Variants in ELL2 observed in about 807,000 individuals in gnomAD.
ELL2 encodes RNA polymerase II elongation factor ELL2.
In ELL2, 21 loss-of-function variants were observed where a neutral mutation model predicts 72.8. The observed-to-expected ratio is 0.29, with a 90% CI of 0.20 to 0.42. ELL2 has a LOEUF of 0.42. ELL2 is among the 10% of genes least tolerant of loss of function. The pLI is 1.00. For synonymous variants in ELL2, 266 were observed against 283.2 expected, an observed-to-expected ratio of 0.94 and a Z score of 0.61; for missense variants, 568 against 772.8, an observed-to-expected ratio of 0.73 and a Z score of 3.14.
chr5:95,909,209 A>G (rs1484245125), intron 4 of ELL2, among the ~76,000 whole-genome samples: 1 of 152,258 alleles, frequency 6.6e-6, no homozygotes, highest in East Asian at 1.9e-4. Context: ...AAGTGAAGAC[A>G]GAACTAGAGT....
At position 95,903,494 on chromosome 5, in the gene ELL2, G is replaced by A. The variant is rs112800716; in HGVS notation, c.742-2414C>T. On this transcript the variant is annotated intron_variant, in intron 5 of 11. Coordinates refer to ENST00000237853, the MANE Select transcript of ELL2 (RefSeq NM_012081.6). ...TCCCCCCACCTCGGCCTCCTAAAGC[G>A]CTGGGATTACAGGGGTGAGCCACGG... 4.2e-3 allele frequency among the ~76,000 whole-genome samples: 640 copies of A among 152,134 alleles called. 8 individuals are homozygous for A. Among genetic ancestry groups the A allele is most frequent in the African/African-American group, 0.015 (614 of 41,504 alleles).
At chr5:95,897,611 CAATT>C (rs1319245995) in intron 8 of ELL2, among the ~76,000 whole-genome samples, 11 of 152,126 alleles carry the variant, frequency 7.2e-5, no homozygotes, top group Admixed American at 7.2e-4. Context: ...TTACAAATAA[CAATT>C]GATGTTAGTT....
chr5:95,947,313 A>G (rs993661467), intron 1 of ELL2, among the ~76,000 whole-genome samples: 2 of 152,240 alleles, frequency 1.3e-5, no homozygotes, highest in East Asian at 1.9e-4. Flanking sequence ...CAGACAAGAC[A>G]ATATGTACTA....
intron 8 of ELL2, among the ~76,000 whole-genome samples, chr5:95,897,172 T>C (rs1748907593): frequency 6.6e-6 from 1 of 152,206 alleles, no homozygotes; most frequent in South Asian, 2.1e-4. Flanking sequence ...TCTTTGGAAG[T>C]AACACTAAAA....
At chr5:95,934,223 C>T (rs1353261075) in intron 2 of ELL2, among the ~76,000 whole-genome samples, 2 of 152,142 alleles carry the variant, frequency 1.3e-5, no homozygotes, top group Admixed American at 6.5e-5. Context: ...AATAAGATAT[C>T]CATAACATAC....
intron 8 of ELL2, among the ~76,000 whole-genome samples, chr5:95,897,676 T>A (rs1748925727): frequency 6.6e-6 from 1 of 152,172 alleles, no homozygotes; most frequent in African/African-American, 2.4e-5. Flanking sequence ...AACCTTAAGA[T>A]CTATTAAGCG....
At chr5:95,921,066 T>C (rs1750060315) in intron 2 of ELL2, among the ~76,000 whole-genome samples, 1 of 152,084 alleles carries the variant, frequency 6.6e-6, no homozygotes, top group Non-Finnish European at 1.5e-5. Context: ...CTCCCAAACC[T>C]TGACCTATAG....
At chr5:95,916,225 A>T (rs1749792606) in intron 3 of ELL2, among the ~76,000 whole-genome samples, 1 of 151,984 alleles carries the variant, frequency 6.6e-6, no homozygotes. Context: ...CCAGGTCACG[A>T]GGTATATGGA....
chr5:95,943,121 TTAA>T, intron 1 of ELL2, 72 bp from the exon 2 acceptor site: 1 of 1,358,550 alleles, frequency 7.4e-7, no homozygotes, highest in Non-Finnish European at 1.0e-6. Context: ...TGTTTAAACT[TTAA>T]ATCTATGTTA....
At chr5:95,904,902 C>G (rs75658573) in intron 5 of ELL2, among the ~76,000 whole-genome samples, 79 of 152,164 alleles carry the variant, frequency 5.2e-4, no homozygotes, top group African/African-American at 1.8e-3. Context: ...AGATCGTGCA[C>G]GTGAAATGCC....
chr5:95,902,215 T>C (rs1749169084), intron 5 of ELL2, among the ~76,000 whole-genome samples: 1 of 152,256 alleles, frequency 6.6e-6, no homozygotes, highest in Non-Finnish European at 1.5e-5. Flanking sequence ...TCATAAATAG[T>C]ATCAATTCTG....
chr5:95,943,458 T>C (rs1751045618), intron 1 of ELL2, among the ~76,000 whole-genome samples: 1 of 152,182 alleles, frequency 6.6e-6, no homozygotes, highest in Non-Finnish European at 1.5e-5. Context: ...CAGCTAATCA[T>C]GTTTTTGAAA....
At chr5:95,926,740 T>G (rs2112321864) in intron 2 of ELL2, among the ~76,000 whole-genome samples, 1 of 152,336 alleles carries the variant, frequency 6.6e-6, no homozygotes, top group South Asian at 2.1e-4. Context: ...AAATAATTCC[T>G]GAGAACTGCA....
intron 2 of ELL2, among the ~76,000 whole-genome samples, chr5:95,942,044 T>C (rs1750988398): frequency 6.6e-6 from 1 of 152,238 alleles, no homozygotes. Flanking sequence ...AAGTAAGCAT[T>C]ACAAAACACA....
intron 2 of ELL2, among the ~76,000 whole-genome samples, chr5:95,930,339 A>G (rs1391874117): frequency 6.6e-6 from 1 of 152,232 alleles, no homozygotes; most frequent in Non-Finnish European, 1.5e-5. Flanking sequence ...GACTGCAGTC[A>G]GCAGCAGTTG....
chr5:95,935,587 C>T (rs115193592), intron 2 of ELL2, among the ~76,000 whole-genome samples: 3 of 152,250 alleles, frequency 2.0e-5, no homozygotes, highest in Non-Finnish European at 4.4e-5. Context: ...TTTGGAGTTG[C>T]TTTTTGAAAA....
In ELL2 at chr5:95,886,272, T is replaced by A. The variant is rs1748461947; in HGVS notation, c.*2599A>T. The A allele has an allele frequency of 6.6e-6, 1 of 152,222 alleles. No homozygotes were observed. The highest frequency in any genetic ancestry group is 6.5e-5 in the Admixed American group (1 of 15,284). 9.4% of individuals were successfully genotyped at this position (152,222 alleles called of 1,614,324 possible). On this transcript the variant is annotated 3_prime_UTR_variant, in exon 12 of 12. Coordinates refer to ENST00000237853, the MANE Select transcript of ELL2 (RefSeq NM_012081.6). The stretch of plus-strand genomic sequence containing the variant: ...ATTTTAATAGGCTCATGCCTCATCT[T>A]CAAAAGGGATGAAACTTGGATAGTA...
intron 2 of ELL2, among the ~76,000 whole-genome samples, chr5:95,938,619 G>A (rs1042588371): frequency 6.6e-6 from 1 of 152,150 alleles, no homozygotes; most frequent in Non-Finnish European, 1.5e-5. Context: ...CTACTTGGGA[G>A]GCTGAGGAGG....
rs1465907901 is a variant in ELL2, at chr5:95,898,500, T to C, written c.1265A>G (p.Tyr422Cys). Residue 422 changes from tyrosine to cysteine, a missense_variant, in exon 8 of 12, where the codon TAT becomes TGT. This residue lies in a region of ELL2 where 511 missense variants were observed against 728.4 expected (regional missense o/e 0.70). Coordinates refer to ENST00000237853, the MANE Select transcript of ELL2 (RefSeq NM_012081.6). ...VDSFSQNDSIYEDQQDKYTSR... is the reference protein window; with the variant it reads ...VDSFSQNDSICEDQQDKYTSR... ...GGTATATTTGTCTTGCTGGTCCTCA[T>C]AGATACTATCGTTTTGACTAAAACT... 1 of 1,614,174 alleles carries C rather than the reference T, an allele frequency of 6.2e-7. No homozygotes were observed.
Sources: allele counts gnomAD v4.1 joint callset (sites outside exome capture counted in the v4.1 genomes callset), GRCh38; gene constraint gnomAD v4.1.1; regional missense constraint gnomAD v4.1.1; transcripts MANE v1.5; gene names NCBI Gene and HGNC (gene_info 2026-07-23, HGNC 2026-07-21).